SPDYE1: variants seen among roughly 807,000 people sequenced by gnomAD.
The protein encoded by SPDYE1 is speedy protein E1.
In SPDYE1, 29 loss-of-function variants were observed where a neutral mutation model predicts 45.9. The ratio of observed to expected loss-of-function variants is 0.63; its 90% CI spans 0.47 to 0.86. SPDYE1 has a LOEUF of 0.86. Ranked by LOEUF, SPDYE1 falls within the 40% of genes least tolerant of loss-of-function variation. The pLI, the probability that SPDYE1 is intolerant of heterozygous loss-of-function variation, is 0.00. For missense variants in SPDYE1, 346 were observed against 481.4 expected (o/e 0.72, Z 2.63); for synonymous variants, 134 against 176.8 (o/e 0.76, Z 1.92).
At chr7:44,004,813 C>T in intron 5 of SPDYE1, 2 of 436,874 alleles carry the variant, frequency 4.6e-6, no homozygotes, top group South Asian at 4.2e-5. Flanking sequence ...CTCCTGGCCC[C>T]TCTACTCTCA....
At chr7:44,004,238 T>C in intron 5 of SPDYE1, 1 of 439,290 alleles carries the variant, frequency 2.3e-6, no homozygotes, top group Non-Finnish European at 4.2e-6. Flanking sequence ...TTTTGCCATG[T>C]TGGCCAGGTT....
At position 44,000,819 on chromosome 7, in the gene SPDYE1, G is replaced by C. The variant is rs527351777; in HGVS notation, c.161-247G>C. The C allele has an allele frequency of 5.1e-6, 5 of 974,250 alleles. No homozygotes were observed. The African/African-American group carries it at 9.7e-5, about 19-fold the overall frequency. The allele number at this position is 974,250 out of a possible 1,614,324, so 60.4% of individuals were successfully genotyped here. On this transcript the variant is annotated intron_variant, in intron 2 of 8. Transcript: ENST00000693451. ...AACAAAACAAAACAAAACAAAAAAG[G>C]AGGGACTCAGAGAGCCAGGGACCAG...
Position 44,002,760 on chromosome 7 carries a change from C to T in SPDYE1, c.550C>T (p.Arg184Ter), listed in dbSNP as rs542410357. Residue 184 changes from arginine to a stop codon, truncating the protein, a stop_gained, in exon 4 of 9, where the codon CGA becomes TGA. Coordinates refer to ENST00000693451, the MANE Select transcript of SPDYE1 (RefSeq NM_001378423.2). LOFTEE classifies it high-confidence loss of function. ...GTGTGGCCTCAAGATGAAGCTGAAG[C>T]GACGGCGAGTGTCGCTCGTGCTCCC... ...MLCGLKMKLK[R>*]RRVSLVLPEH... 3.2e-5 allele frequency: 50 copies of T among 1,568,360 alleles called. No homozygotes were observed. The highest frequency in any genetic ancestry group is 6.9e-5 in the East Asian group (3 of 43,660).
At chr7:44,006,624 T>C (rs1777507831) in intron 6 of SPDYE1, among the ~76,000 whole-genome samples, 1 of 151,942 alleles carries the variant, frequency 6.6e-6, no homozygotes, top group Non-Finnish European at 1.5e-5. Context: ...GTTTGTTTGT[T>C]TGTTTATTGA....
At chr7:44,001,729 C>T (rs2096063416) in intron 3 of SPDYE1, among the ~76,000 whole-genome samples, 1 of 152,206 alleles carries the variant, frequency 6.6e-6, no homozygotes, top group South Asian at 2.1e-4. Context: ...ATGGGTGGAT[C>T]ACTTGAGGTC....
Position 44,009,634 on chromosome 7 carries a change from GTTA to G in SPDYE1, c.*1020_*1022del, listed in dbSNP as rs1309344012. ...ATTAAATATATTTATTTATTTAAAT[GTTA>G]TTATTACTTTAAATATTATTTTAAA... On this transcript the variant is annotated 3_prime_UTR_variant, in exon 9 of 9. Transcript: ENST00000693451. 2.0e-3 allele frequency: 303 copies of G among 148,052 alleles called. 4 individuals are homozygous for G. In the South Asian group the frequency reaches 0.02, roughly 10 times the overall value. The allele number at this position is 148,052 out of a possible 1,614,324, so 9.2% of individuals were successfully genotyped here. A position where few individuals can be genotyped will look rare whatever the true frequency, so the allele number is the denominator to read the frequency against.
Position 44,007,721 on chromosome 7 carries a change from G to A in SPDYE1, c.1084G>A (p.Asp362Asn). ...PEELEEIQAY[D>N]PEHWVWARDR... ...TTTGTTTTTCCAGATCCAGGCTTAT[G>A]ACCCAGAGCACTGGGTGTGGGCGCG... Residue 362 changes from aspartate (D) to asparagine (N), a missense_variant, in exon 8 of 9, where the codon GAC becomes AAC. By Grantham distance (23) the Asp-to-Asn change is conservative. This residue lies in a region of SPDYE1 where 186 missense variants were observed against 219.1 expected (regional missense o/e 0.85). Coordinates refer to ENST00000693451, the MANE Select transcript of SPDYE1 (RefSeq NM_001378423.2). 1 of 1,611,320 alleles carries A rather than the reference G, an allele frequency of 6.2e-7. No individual in the cohort carries two copies. Among genetic ancestry groups the A allele is most frequent in the Non-Finnish European group, 8.5e-7 (1 of 1,179,460 alleles).
At chr7:44,008,287 T>C (rs2096074633) in intron 8 of SPDYE1, among the ~76,000 whole-genome samples, 1 of 152,240 alleles carries the variant, frequency 6.6e-6, no homozygotes, top group Non-Finnish European at 1.5e-5. Flanking sequence ...GTTCGTGATG[T>C]TGTCACATTA....
Position 44,000,943 on chromosome 7 carries a change from T to C in SPDYE1, c.161-123T>C, listed in dbSNP as rs1421263452. On this transcript the variant is annotated intron_variant, in intron 2 of 8. Coordinates refer to ENST00000693451, the MANE Select transcript of SPDYE1 (RefSeq NM_001378423.2). ...TGAGCAGAGGAGAAAATCAGAAAGA[T>C]GGCTTAGAGAAGTCAGCAGTCTGCG... 3.1e-5 allele frequency: 49 copies of C among 1,593,564 alleles called. 1 individual carries two copies. The highest frequency in any genetic ancestry group is 3.8e-5 in the Non-Finnish European group (45 of 1,177,568).
In SPDYE1 at chr7:44,001,010, G is replaced by T. The variant is rs2096062127; in HGVS notation, c.161-56G>T. 2.5e-6 allele frequency: 4 copies of T among 1,596,870 alleles called. No individual in the cohort carries two copies. The South Asian group carries it at 4.4e-5, about 18-fold the overall frequency. On this transcript the variant is annotated intron_variant, in intron 2 of 8. Coordinates refer to ENST00000693451, the MANE Select transcript of SPDYE1 (RefSeq NM_001378423.2). ...AGAGTGGTTTGGGGTTTTGGGTCGG[G>T]GTCTAAGGTGATCAGATGCAGAAGC...
intron 8 of SPDYE1, 126 bp downstream of exon 8, chr7:44,007,939 C>A: frequency 2.0e-6 from 3 of 1,508,222 alleles, no homozygotes; most frequent in Non-Finnish European, 2.7e-6. Context: ...CACAAAAATA[C>A]AAAAATTAGC....
At position 44,009,613 on chromosome 7, in the gene SPDYE1, AATAT is replaced by A. The variant is rs1183914424; in HGVS notation, c.*995_*998del. 6.7e-6 allele frequency: 1 copy of A among 148,448 alleles called. No individual in the cohort carries two copies. Among genetic ancestry groups the A allele is most frequent in the Non-Finnish European group, 1.5e-5 (1 of 67,206 alleles). The allele number at this position is 148,448 out of a possible 1,614,324, so 9.2% of individuals were successfully genotyped here. ...ATTTTATTTATTTAAATATTTATTA[AATAT>A]ATTTATTTATTTAAATGTTATTATT... On this transcript the variant is annotated 3_prime_UTR_variant, in exon 9 of 9. Transcript: ENST00000693451.
rs1300254841 is a variant in SPDYE1, at chr7:44,009,583, ATAT to A, written c.*967_*969del. The A allele has an allele frequency of 2.0e-5, 3 of 148,514 alleles. No homozygotes were observed. Among genetic ancestry groups the A allele is most frequent in the Non-Finnish European group, 4.5e-5 (3 of 67,230 alleles). The allele number at this position is 148,514 out of a possible 1,614,324, so 9.2% of individuals were successfully genotyped here. On this transcript the variant is annotated 3_prime_UTR_variant, in exon 9 of 9. Transcript: ENST00000693451. The stretch of plus-strand genomic sequence containing the variant: ...AAAACATGGGTATAGAATTATTTAA[ATAT>A]TATTTTATTTATTTAAATATTTATT...
At chr7:44,006,838 TC>T (rs1314451071) in intron 6 of SPDYE1, among the ~76,000 whole-genome samples, 1 of 152,256 alleles carries the variant, frequency 6.6e-6, no homozygotes, top group East Asian at 1.9e-4. Flanking sequence ...GGTCTCCAAC[TC>T]CTGGTCTCAA....
chr7:44,007,075 C>G, intron 6 of SPDYE1, 193 bp from the exon 7 acceptor site: 2 of 1,390,770 alleles, frequency 1.4e-6, no homozygotes, highest in Admixed American at 5.4e-5. Flanking sequence ...TGTCTCCATC[C>G]TGAAGGAGTG....
At chr7:44,005,334 C>T in intron 6 of SPDYE1, 107 bp downstream of exon 6, 1 of 1,415,058 alleles carries the variant, frequency 7.1e-7, no homozygotes, top group Non-Finnish European at 1.0e-6. Context: ...GTCCTCTTTA[C>T]TCTGTGTACA....
chr7:43,998,058 T>C (rs966013748), intron 1 of SPDYE1, among the ~76,000 whole-genome samples, 99 bp downstream of exon 1: 2 of 152,170 alleles, frequency 1.3e-5, no homozygotes, highest in South Asian at 2.1e-4. Context: ...GGTCAGAACA[T>C]TGATCTTCTA....
rs2128777084 is a variant in SPDYE1 at position 44,002,725 on chromosome 7, C to T, written c.515C>T (p.Ala172Val). The change falls in exon 4 of 9, where the codon GCG becomes GTG. Residue 172 changes from alanine (A) to valine (V), a missense_variant. Transcript: ENST00000693451. ...CCTGAGCCTGAGGAGATCTGGGTGG[C>T]GGAGATGCTGTGTGGCCTCAAGATG... The part of the protein sequence containing the change: ...LAPEPEEIWV[A>V]EMLCGLKMKL... The T allele has an allele frequency of 3.1e-6, 5 of 1,591,252 alleles. No homozygotes were observed. The highest frequency in any genetic ancestry group is 2.3e-4 in the Middle Eastern group (1 of 4,426).
At chr7:44,006,662 T>A (rs1380816289) in intron 6 of SPDYE1, among the ~76,000 whole-genome samples, 2 of 152,236 alleles carry the variant, frequency 1.3e-5, no homozygotes, top group African/African-American at 4.8e-5. Flanking sequence ...CCTCTCAGGC[T>A]GGAATGGAGT....
Sources: gnomAD v4.1 joint callset for allele counts (sites outside exome capture counted in the v4.1 genomes callset) on GRCh38, gnomAD v4.1.1 for gene constraint, gnomAD v4.1.1 regional missense constraint, MANE v1.5 for transcripts, NCBI Gene and HGNC (gene_info 2026-07-23, HGNC 2026-07-21) for gene names.